MATN2: variants seen among roughly 807,000 people sequenced by gnomAD.
MATN2 encodes matrilin 2.
Under a neutral mutation model 103.2 loss-of-function variants are expected in MATN2, and 69 were observed. That is an observed-to-expected ratio of 0.67 (90% confidence interval 0.55 to 0.82). The LOEUF is 0.82. MATN2 is among the 40% of genes least tolerant of loss of function. MATN2 has a pLI of 0.00. For missense variants in MATN2, 1,023 were observed against 1,211.5 expected (o/e 0.84, Z 2.31); for synonymous variants, 429 against 450.2 (o/e 0.95, Z 0.60).
intron 1 of MATN2, among the ~76,000 whole-genome samples, chr8:97,876,615 C>G (rs746677182): frequency 6.6e-6 from 1 of 152,180 alleles, no homozygotes; most frequent in Non-Finnish European, 1.5e-5. Context: ...TAAGCCACTG[C>G]GCCTGGCCTA....
intron 1 of MATN2, among the ~76,000 whole-genome samples, chr8:97,877,409 G>A (rs895284140): frequency 4.0e-5 from 6 of 151,802 alleles, no homozygotes; most frequent in African/African-American, 7.3e-5. Flanking sequence ...CCCGGGAGGC[G>A]GAGGTTGCAG....
At chr8:97,941,981 C>T in intron 4 of MATN2, 82 bp downstream of exon 4, 1 of 1,526,622 alleles carries the variant, frequency 6.6e-7, no homozygotes, top group Non-Finnish European at 9.0e-7. Flanking sequence ...TCATTTTATT[C>T]ATCTGTGATG....
intron 2 of MATN2, among the ~76,000 whole-genome samples, chr8:97,896,937 A>G (rs570005621): frequency 6.6e-6 from 1 of 151,458 alleles, no homozygotes; most frequent in African/African-American, 2.4e-5. Flanking sequence ...CAGTGGGATC[A>G]GGCAACACAG....
chr8:97,995,150 G>T (rs990462049), intron 7 of MATN2, among the ~76,000 whole-genome samples: 1 of 152,204 alleles, frequency 6.6e-6, no homozygotes, highest in African/African-American at 2.4e-5. Flanking sequence ...ACATCAAAGG[G>T]CATGATTGGG....
chr8:97,913,328 T>G (rs1809512902), intron 2 of MATN2, among the ~76,000 whole-genome samples: 1 of 151,860 alleles, frequency 6.6e-6, no homozygotes, highest in East Asian at 1.9e-4. Context: ...TTTTTTTTTT[T>G]TTTTGAGATG....
intron 2 of MATN2, among the ~76,000 whole-genome samples, chr8:97,912,695 C>G (rs1809487519): frequency 1.3e-5 from 2 of 152,134 alleles, no homozygotes. Flanking sequence ...CCTTGGGTGA[C>G]TAGGCCTTCA....
At chr8:98,016,421 C>A in intron 10 of MATN2, 119 bp from the exon 11 acceptor site, 1 of 871,780 alleles carries the variant, frequency 1.1e-6, no homozygotes. Flanking sequence ...GAAATGTGTA[C>A]TGTAGGATAA....
chr8:97,992,483 C>T (rs529039357), intron 6 of MATN2, among the ~76,000 whole-genome samples: 4 of 152,040 alleles, frequency 2.6e-5, no homozygotes, highest in Admixed American at 6.5e-5. Flanking sequence ...TGTGGTGGCT[C>T]ACTCCTGTAA....
intron 4 of MATN2, among the ~76,000 whole-genome samples, chr8:97,957,088 A>C (rs143359325): frequency 9.5e-4 from 145 of 152,314 alleles, no homozygotes; most frequent in African/African-American, 3.2e-3. Flanking sequence ...GAGCGGAGCC[A>C]TGTCTATAGT....
intron 2 of MATN2, among the ~76,000 whole-genome samples, chr8:97,909,818 C>G (rs1309515284): frequency 6.6e-6 from 1 of 151,458 alleles, no homozygotes; most frequent in Non-Finnish European, 1.5e-5. Context: ...GAGTCTCGCT[C>G]TGTCGCCCCG....
intron 7 of MATN2, 29 bp downstream of exon 7, chr8:97,994,631 C>A (rs1313716003): frequency 1.3e-6 from 2 of 1,598,004 alleles, no homozygotes; most frequent in Admixed American, 3.6e-5. Context: ...TGGAGAAGGG[C>A]TTGTTCTGCT....
chr8:97,930,213 C>T (rs1258734203), intron 2 of MATN2, among the ~76,000 whole-genome samples: 2 of 152,172 alleles, frequency 1.3e-5, no homozygotes, highest in African/African-American at 4.8e-5. Flanking sequence ...AGTTTTCATG[C>T]CAGTTATTCT....
chr8:97,935,931 C>T (rs1247704174), intron 3 of MATN2, among the ~76,000 whole-genome samples: 1 of 152,228 alleles, frequency 6.6e-6, no homozygotes, highest in East Asian at 1.9e-4. Context: ...TGATTAGACT[C>T]TGCAGCCAGA....
At chr8:97,870,525 A>G (rs1817858563) in intron 1 of MATN2, among the ~76,000 whole-genome samples, 1 of 72,672 alleles carries the variant, frequency 1.4e-5, no homozygotes, top group Non-Finnish European at 4.4e-5. Flanking sequence ...TCTCAAAAGA[A>G]AAAAAAAAAG....
chr8:97,997,832 T>TC (rs1812640495), intron 7 of MATN2, among the ~76,000 whole-genome samples: 1 of 151,358 alleles, frequency 6.6e-6, no homozygotes, highest in Non-Finnish European at 1.5e-5. Context: ...TTTTTTTTTT[T>TC]TTTTCCAGAC....
At chr8:98,016,803 T>G (rs918600359) in intron 11 of MATN2, 141 bp downstream of exon 11, 54 of 943,986 alleles carry the variant, frequency 5.7e-5, no homozygotes, top group Non-Finnish European at 8.0e-5. Flanking sequence ...GATAGGACCC[T>G]GAAAGAGAAA....
rs567017423 is a variant in MATN2 at position 97,976,201 on chromosome 8, G to A, written c.959-2685G>A. 8.6e-5 allele frequency among the ~76,000 whole-genome samples: 13 copies of A among 151,772 alleles called. No homozygotes were observed. The South Asian group carries it at 1.2e-3, about 15-fold the overall frequency. On this transcript the variant is annotated intron_variant, in intron 5 of 18. Coordinates refer to ENST00000254898, the MANE Select transcript of MATN2 (RefSeq NM_002380.5). ...ATGTAGTGGTGCAATCTCGGCTCCCGGGTTCAAGCAGTTCTCCCTGCCTCA... is the reference window on the plus strand; with the variant it reads ...ATGTAGTGGTGCAATCTCGGCTCCCAGGTTCAAGCAGTTCTCCCTGCCTCA...
intron 7 of MATN2, among the ~76,000 whole-genome samples, chr8:98,001,418 A>T (rs933594712): frequency 1.3e-5 from 2 of 152,038 alleles, no homozygotes; most frequent in Non-Finnish European, 2.9e-5. Context: ...AAAGGCAGAA[A>T]GGACAGAGAG....
chr8:97,895,710 ACT>A (rs1818786716), intron 2 of MATN2, among the ~76,000 whole-genome samples: 1 of 152,116 alleles, frequency 6.6e-6, no homozygotes, highest in African/African-American at 2.4e-5. Context: ...ATGAAAGGCA[ACT>A]CTCATTTACT....
Sources: gnomAD v4.1 joint callset for allele counts (sites outside exome capture counted in the v4.1 genomes callset) on GRCh38, gnomAD v4.1.1 for gene constraint, MANE v1.5 for transcripts, NCBI Gene and HGNC (gene_info 2026-07-23, HGNC 2026-07-21) for gene names.